CDH13: variants seen among roughly 807,000 people sequenced by gnomAD.
The protein encoded by CDH13 is cadherin-13.
A neutral mutation model predicts 63.8 loss-of-function variants in CDH13; 24 were observed. The observed-to-expected ratio is 0.38, with a 90% confidence interval of 0.27 to 0.53. The LOEUF (loss-of-function observed/expected upper bound fraction) is 0.53. CDH13 is among the 20% of genes least tolerant of loss of function. CDH13 has a pLI of 0.85. For missense variants in CDH13, 1,049 were observed against 903.1 expected (o/e 1.16, Z -2.07); for synonymous variants, 503 against 355.3 (o/e 1.42, Z -4.67).
intron 3 of CDH13, among the ~76,000 whole-genome samples, chr16:83,096,027 G>A (rs1048016357): frequency 6.6e-6 from 1 of 152,150 alleles, no homozygotes; most frequent in Non-Finnish European, 1.5e-5. Context: ...CAAAGGTCCA[G>A]GAAGAGGGTG....
In CDH13 at chr16:83,579,202, G is replaced by A. The variant is rs187978572; in HGVS notation, c.961-23252G>A. Among the ~76,000 whole-genome samples the A allele has an allele frequency of 2.3e-3, 348 of 152,332 alleles. 4 individuals carry two copies. Among genetic ancestry groups the A allele is most frequent in the South Asian group, 0.016 (78 of 4,830 alleles). On this transcript the variant is annotated intron_variant, in intron 7 of 13. Coordinates refer to ENST00000567109, the MANE Select transcript of CDH13 (RefSeq NM_001257.5). ...ACTCTACCTCACTGTTACCACCTCA[G>A]TGAGGCAGAGATCCTGGCTGGACTA...
chr16:83,613,151 G>A (rs922327168), intron 8 of CDH13, among the ~76,000 whole-genome samples: 3 of 152,160 alleles, frequency 2.0e-5, no homozygotes, highest in Admixed American at 6.5e-5. Flanking sequence ...TTGTCAAAAG[G>A]TCAGCTGTCA....
chr16:83,587,940 A>G (rs575358789), intron 7 of CDH13, among the ~76,000 whole-genome samples: 2 of 144,498 alleles, frequency 1.4e-5, no homozygotes, highest in South Asian at 4.6e-4. Context: ...ACATTCTCTT[A>G]TACCTCTTTT....
intron 6 of CDH13, among the ~76,000 whole-genome samples, chr16:83,366,249 A>G (rs919932645): frequency 6.6e-6 from 1 of 152,206 alleles, no homozygotes; most frequent in African/African-American, 2.4e-5. Context: ...AGTATTCCCA[A>G]TACCAACATC....
At chr16:83,503,447 A>T (rs1357571016) in intron 7 of CDH13, among the ~76,000 whole-genome samples, 4 of 152,040 alleles carry the variant, frequency 2.6e-5, no homozygotes, top group African/African-American at 9.7e-5. Context: ...GCCCAGGAGG[A>T]GGGGCAGTGA....
At chr16:82,930,412 A>G (rs1295801395) in intron 2 of CDH13, among the ~76,000 whole-genome samples, 2 of 152,182 alleles carry the variant, frequency 1.3e-5, no homozygotes, top group Non-Finnish European at 2.9e-5. Flanking sequence ...AGCACTTTAT[A>G]TATGTTATAT....
At chr16:82,873,517 G>C (rs2040410923) in intron 2 of CDH13, among the ~76,000 whole-genome samples, 1 of 152,072 alleles carries the variant, frequency 6.6e-6, no homozygotes, top group Admixed American at 6.5e-5. Flanking sequence ...CAGTGGTGTG[G>C]GCTCCTAGGT....
chr16:83,282,559 T>C (rs2089206243), intron 5 of CDH13, among the ~76,000 whole-genome samples: 1 of 152,162 alleles, frequency 6.6e-6, no homozygotes, highest in Admixed American at 6.5e-5. Flanking sequence ...TGGGAGATCA[T>C]AAGGTTATAA....
intron 1 of CDH13, among the ~76,000 whole-genome samples, chr16:82,722,319 T>C (rs950523937): frequency 1.3e-5 from 2 of 152,168 alleles, no homozygotes; most frequent in African/African-American, 2.4e-5. Context: ...TCTACTTTTT[T>C]CTATGGTGAC....
chr16:82,967,315 C>G (rs1206598398), intron 2 of CDH13, among the ~76,000 whole-genome samples: 1 of 152,076 alleles, frequency 6.6e-6, no homozygotes, highest in African/African-American at 2.4e-5. Context: ...GTCTGCCCTC[C>G]CTTTATAGCT....
In CDH13 at chr16:83,755,518, T is replaced by A. The variant is rs188906060; in HGVS notation, c.1681+7268T>A. On this transcript the variant is annotated intron_variant, in intron 11 of 13. Coordinates refer to ENST00000567109, the MANE Select transcript of CDH13 (RefSeq NM_001257.5). The stretch of plus-strand genomic sequence containing the variant: ...ACCTCAAACACTGAAATCAAACTGA[T>A]GAAAAACAATATCAAAGAGAAAATG... 1.7e-4 allele frequency among the ~76,000 whole-genome samples: 26 copies of A among 152,142 alleles called. 2 individuals carry two copies. The East Asian group carries it at 4.8e-3, about 28-fold the overall frequency.
intron 1 of CDH13, among the ~76,000 whole-genome samples, chr16:82,715,155 C>T (rs1210232075): frequency 6.6e-6 from 1 of 150,878 alleles, no homozygotes; most frequent in Non-Finnish European, 1.5e-5. Flanking sequence ...CAGTTCATGC[C>T]CAGTTAGCAA....
At chr16:82,792,881 C>G (rs1470716386) in intron 1 of CDH13, among the ~76,000 whole-genome samples, 1 of 152,148 alleles carries the variant, frequency 6.6e-6, no homozygotes, top group Non-Finnish European at 1.5e-5. Flanking sequence ...GTAAGAAAGT[C>G]CACATGAAAT....
At chr16:83,617,575 C>T (rs111883174) in intron 8 of CDH13, among the ~76,000 whole-genome samples, 3,330 of 151,136 alleles carry the variant, frequency 0.022, 127 homozygotes, top group African/African-American at 0.076. Context: ...TGCACATATT[C>T]AATTCTAATA....
In CDH13 at chr16:83,325,398, A is replaced by G. The variant is rs923824135; in HGVS notation, c.637-19464A>G. ...ATTGACATTTCACCCCAAATCTTTA[A>G]CTACTTCTTCCTTTTTCACTGAGTA... On this transcript the variant is annotated intron_variant, in intron 5 of 13. Coordinates refer to ENST00000567109, the MANE Select transcript of CDH13 (RefSeq NM_001257.5). 4.8e-4 allele frequency among the ~76,000 whole-genome samples: 73 copies of G among 152,096 alleles called. 1 individual carries two copies. The highest frequency in any genetic ancestry group is 8.8e-5 in the Non-Finnish European group (6 of 68,026).
chr16:83,004,986 C>G lies in CDH13; in HGVS notation c.158-27024C>G, dbSNP rs368419356. Among the ~76,000 whole-genome samples, 3 of 152,304 alleles carry G rather than the reference C, an allele frequency of 2.0e-5. 1 individual carries two copies. The highest frequency in any genetic ancestry group is 7.2e-5 in the African/African-American group (3 of 41,568). ...CAGACTGGGAGGAACAGGAGAAGAG[C>G]ATCTTCCTTTTAAAGGACATTGACT... On this transcript the variant is annotated intron_variant, in intron 2 of 13. Coordinates refer to ENST00000567109, the MANE Select transcript of CDH13 (RefSeq NM_001257.5).
intron 2 of CDH13, among the ~76,000 whole-genome samples, chr16:82,874,865 G>C (rs2040453977): frequency 6.6e-6 from 1 of 152,108 alleles, no homozygotes; most frequent in Non-Finnish European, 1.5e-5. Flanking sequence ...AGGGGAAGGA[G>C]AATAAGAATA....
intron 6 of CDH13, among the ~76,000 whole-genome samples, chr16:83,418,102 T>C (rs1279110229): frequency 6.6e-6 from 1 of 152,190 alleles, no homozygotes; most frequent in Admixed American, 6.5e-5. Context: ...TTGGAAAATA[T>C]TCAGTGTTCA....
intron 1 of CDH13, among the ~76,000 whole-genome samples, chr16:82,687,610 C>A (rs780843187): frequency 6.6e-6 from 1 of 152,122 alleles, no homozygotes; most frequent in Non-Finnish European, 1.5e-5. Flanking sequence ...ATCACAAGAA[C>A]AGCATGGGAA....
Sources: gnomAD v4.1 joint callset for allele counts (sites outside exome capture counted in the v4.1 genomes callset) on GRCh38, gnomAD v4.1.1 for gene constraint, MANE v1.5 for transcripts, NCBI Gene and HGNC (gene_info 2026-07-23, HGNC 2026-07-21) for gene names.